Variants in KDM3A observed in about 807,000 individuals in gnomAD.
The protein encoded by KDM3A is lysine-specific demethylase 3A.
In KDM3A, 60 loss-of-function variants were observed where a neutral mutation model predicts 158.0. That is an observed-to-expected ratio of 0.38 (90% CI 0.31 to 0.47). The LOEUF (loss-of-function observed/expected upper bound fraction) is 0.47, where lower values mean the gene tolerates loss of function less well. KDM3A is among the 20% of genes least tolerant of loss of function. KDM3A has a pLI of 0.99. For synonymous variants in KDM3A, 608 were observed against 549.3 expected, an observed-to-expected ratio of 1.11 and a Z score of -1.49; for missense variants, 1,319 against 1,574.3, an observed-to-expected ratio of 0.84 and a Z score of 2.74.
intron 11 of KDM3A, among the ~76,000 whole-genome samples, chr2:86,472,148 G>C (rs1378733922): frequency 7.7e-6 from 1 of 130,068 alleles, no homozygotes; most frequent in Non-Finnish European, 1.6e-5. Context: ...TTTGTTCTTT[G>C]TAATATGATT....
In KDM3A at chr2:86,451,180, A is replaced by G; in HGVS notation, c.420A>G (p.Val140=). ...SVRFLGDQQR[V]FLSKDLLKPI... is the part of the protein sequence containing the mutation. ...GCTTTCTGGGAGATCAACAAAGAGT[A>G]TTTCTTTCTAAAGACCTTTTGAAGC... The change falls in exon 4 of 26, where the codon GTA becomes GTG. Residue 140 remains valine, a synonymous_variant. Coordinates refer to ENST00000312912, the MANE Select transcript of KDM3A (RefSeq NM_018433.6). 1.2e-6 allele frequency: 2 copies of G among 1,610,690 alleles called. No homozygotes were observed. Among genetic ancestry groups the G allele is most frequent in the Non-Finnish European group, 1.7e-6 (2 of 1,178,812 alleles).
chr2:86,439,833 A>G (rs1558596826), upstream of KDM3A, among the ~76,000 whole-genome samples: 1 of 152,050 alleles, frequency 6.6e-6, no homozygotes, highest in African/African-American at 2.4e-5. Flanking sequence ...GATACTTTTA[A>G]TTGTATTAAT....
Position 86,490,909 on chromosome 2 carries a change from C to T in KDM3A, c.3602C>T (p.Pro1201Leu). 1 of 1,612,548 alleles carries T rather than the reference C, an allele frequency of 6.2e-7. No individual in the cohort carries two copies. Among genetic ancestry groups the T allele is most frequent in the Middle Eastern group, 1.7e-4 (1 of 6,040 alleles). Reference protein sequence around the residue: ...KVSEEQGQENPADHDPIHDQS... With the variant: ...KVSEEQGQENLADHDPIHDQS... ...TCAGAAGAGCAAGGTCAAGAAAACC[C>T]AGCAGACCACGATCCTATTCATGAT... is the stretch of plus-strand genomic sequence containing the variant. The change falls in exon 24 of 26, where the codon CCA (proline) becomes CTA (leucine). Residue 1201 changes from proline to leucine, a missense_variant. Physicochemically the swap from Pro to Leu is moderately conservative, Grantham distance 98 (BLOSUM62 -3). This residue lies in a region of KDM3A where 186 missense variants were observed against 340.9 expected (regional missense o/e 0.55). Coordinates refer to ENST00000312912, the MANE Select transcript of KDM3A (RefSeq NM_018433.6).
At chr2:86,478,135 G>A (rs1171176951) in intron 13 of KDM3A, 35 bp from the exon 14 acceptor site, 5 of 1,608,836 alleles carry the variant, frequency 3.1e-6, no homozygotes, top group Non-Finnish European at 4.3e-6. Context: ...GACAGAGTCT[G>A]TAAAGAACAG....
upstream of KDM3A, among the ~76,000 whole-genome samples, chr2:86,437,491 ATAGTT>A (rs1316350150): frequency 6.6e-6 from 1 of 152,214 alleles, no homozygotes; most frequent in Non-Finnish European, 1.5e-5. Flanking sequence ...CATGTATTGC[ATAGTT>A]TATTCTTTAC....
chr2:86,441,991 T>C, intron 1 of KDM3A, 27 bp from the exon 2 acceptor site: 1 of 1,313,320 alleles, frequency 7.6e-7, no homozygotes, highest in Non-Finnish European at 1.0e-6. Context: ...GCCGCCCCCG[T>C]CGCATTTTGT....
At chr2:86,473,420 A>G (rs1267056795) in intron 11 of KDM3A, among the ~76,000 whole-genome samples, 1 of 152,094 alleles carries the variant, frequency 6.6e-6, no homozygotes, top group African/African-American at 2.4e-5. Context: ...AAGTGCTGTG[A>G]TTACAGTGAG....
chr2:86,449,784 A>T (rs1672364818), intron 2 of KDM3A, 23 bp from the exon 3 acceptor site: 1 of 1,574,788 alleles, frequency 6.4e-7, no homozygotes, highest in Non-Finnish European at 8.6e-7. Context: ...TGCTTCCCCC[A>T]CCCCCCAATT....
At chr2:86,491,493 T>C (rs1674453304) in intron 25 of KDM3A, 1 of 553,508 alleles carries the variant, frequency 1.8e-6, no homozygotes, top group Non-Finnish European at 3.2e-6. Context: ...TTAGAATCTA[T>C]AAGGGACTGT....
chr2:86,456,763 C>T (rs763987050), intron 6 of KDM3A, 42 bp from the exon 7 acceptor site: 1 of 1,501,660 alleles, frequency 6.7e-7, no homozygotes, highest in South Asian at 1.1e-5. Context: ...TGTTCTTGAG[C>T]ATTTTTTATT....
chr2:86,465,775 C>A (rs1167559308), intron 9 of KDM3A, among the ~76,000 whole-genome samples: 1 of 151,850 alleles, frequency 6.6e-6, no homozygotes, highest in African/African-American at 2.4e-5. Flanking sequence ...TTTTTATATA[C>A]GTATATATTT....
Position 86,480,339 on chromosome 2 carries a change from G to A in KDM3A, c.2489G>A (p.Gly830Glu), listed in dbSNP as rs1558627381. 6.2e-7 allele frequency: 1 copy of A among 1,612,930 alleles called. No homozygotes were observed. The highest frequency in any genetic ancestry group is 1.1e-5 in the South Asian group (1 of 91,038). Residue 830 changes from glycine to glutamate, a missense_variant, in exon 16 of 26, where the codon GGG becomes GAG. Transcript: ENST00000312912. ...PLNWLADLTS[G>E]NVNKENKEKQ... ...AACTGGCTGGCCGACCTAACCAGCG[G>A]GAATGTCAACAAGGAAAACAAGGGT...
intron 19 of KDM3A, chr2:86,484,701 C>T (rs1433765950): frequency 7.0e-6 from 3 of 430,628 alleles, no homozygotes; most frequent in Non-Finnish European, 1.3e-5. Flanking sequence ...TATTTTGCTG[C>T]ACCTTGCTGC....
chr2:86,444,548 G>T (rs1682877632), intron 2 of KDM3A, among the ~76,000 whole-genome samples: 1 of 151,404 alleles, frequency 6.6e-6, no homozygotes, highest in Admixed American at 6.6e-5. Flanking sequence ...TGGAACTCCT[G>T]GGCTCAAAAC....
chr2:86,448,197 G>A (rs948765401), intron 2 of KDM3A, among the ~76,000 whole-genome samples: 12 of 152,204 alleles, frequency 7.9e-5, no homozygotes, highest in African/African-American at 2.2e-4. Flanking sequence ...AGGTAAAGTC[G>A]CCTGGGAGGT....
chr2:86,478,714 C>T lies in KDM3A; in HGVS notation c.2295C>T (p.Ala765=). The T allele has an allele frequency of 6.2e-7, 1 of 1,613,986 alleles. No homozygotes were observed. The highest frequency in any genetic ancestry group is 8.5e-7 in the Non-Finnish European group (1 of 1,179,890). The change falls in exon 15 of 26, where the codon GCC becomes GCT. Residue 765 remains alanine (A), a synonymous_variant. Coordinates refer to ENST00000312912, the MANE Select transcript of KDM3A (RefSeq NM_018433.6). The stretch of plus-strand genomic sequence containing the variant: ...AATTCAAACTCTTTTCAAAGCCAGC[C>T]TCAAAGGAAGACCTAAAACAGGTAT... ...NRQFKLFSKP[A]SKEDLKQTSL... is the part of the protein sequence containing the mutation.
At chr2:86,480,509 G>A in intron 16 of KDM3A, 147 bp downstream of exon 16, 1 of 676,458 alleles carries the variant, frequency 1.5e-6, no homozygotes, top group Non-Finnish European at 2.4e-6. Flanking sequence ...AAGTGTTTTT[G>A]AAATGCAGCA....
chr2:86,475,021 C>G, intron 12 of KDM3A, 31 bp downstream of exon 12: 2 of 1,564,590 alleles, frequency 1.3e-6, no homozygotes, highest in Non-Finnish European at 1.8e-6. Flanking sequence ...GTAGGATTTT[C>G]GAGCCCAATT....
At chr2:86,488,253 A>T (rs1674283576) in intron 21 of KDM3A, 1 of 152,164 alleles carries the variant, frequency 6.6e-6, no homozygotes, top group Non-Finnish European at 1.5e-5. Flanking sequence ...TTACTATGGA[A>T]CTATTTTTCA....
Sources: gnomAD v4.1 joint callset for allele counts (sites outside exome capture counted in the v4.1 genomes callset) on GRCh38, gnomAD v4.1.1 for gene constraint, gnomAD v4.1.1 regional missense constraint, MANE v1.5 for transcripts, NCBI Gene and HGNC (gene_info 2026-07-23, HGNC 2026-07-21) for gene names.